Variants in RALGPS1 observed in about 807,000 individuals in gnomAD.
RALGPS1 encodes ras-specific guanine nucleotide-releasing factor RalGPS1.
Under a neutral mutation model 78.8 loss-of-function variants are expected in RALGPS1, and 19 were observed. The observed-to-expected ratio is 0.24, with a 90% CI of 0.17 to 0.35. RALGPS1 has a LOEUF of 0.35. RALGPS1 is among the 10% of genes least tolerant of loss of function. The pLI, the probability that RALGPS1 is intolerant of heterozygous loss-of-function variation, is 1.00. For synonymous variants in RALGPS1, 228 were observed against 256.3 expected (o/e 0.89, Z 1.06); for missense variants, 454 against 688.3 (o/e 0.66, Z 3.81).
chr9:127,199,825 C>T (rs975971110), intron 14 of RALGPS1, among the ~76,000 whole-genome samples: 3 of 152,122 alleles, frequency 2.0e-5, no homozygotes, highest in African/African-American at 4.8e-5. Context: ...TGAGAGGAGG[C>T]GGGAAACATC....
chr9:126,992,866 T>G (rs2042399371), intron 4 of RALGPS1, among the ~76,000 whole-genome samples: 1 of 152,264 alleles, frequency 6.6e-6, no homozygotes, highest in Non-Finnish European at 1.5e-5. Context: ...TTGTTTCTTT[T>G]TCTTGCCTTG....
chr9:126,968,725 A>G (rs558192016), intron 3 of RALGPS1, among the ~76,000 whole-genome samples: 1 of 152,368 alleles, frequency 6.6e-6, no homozygotes, highest in East Asian at 1.9e-4. Context: ...CAATAGAAAT[A>G]CAATGTAAGC....
At chr9:127,070,403 T>TGTA (rs2050094117) in intron 8 of RALGPS1, among the ~76,000 whole-genome samples, 1 of 152,226 alleles carries the variant, frequency 6.6e-6, no homozygotes, top group African/African-American at 2.4e-5. Flanking sequence ...CATGTAGTTA[T>TGTA]GATTATTACC....
Position 127,220,004 on chromosome 9 carries a change from T to C in RALGPS1, c.*1235T>C, listed in dbSNP as rs2131077332. ...CCAACCTCTGCATTCAGTTAGGAGC[T>C]CTTCACATGAATCACATCCTTATCT... On this transcript the variant is annotated 3_prime_UTR_variant, in exon 19 of 19. Coordinates refer to ENST00000259351, the MANE Select transcript of RALGPS1 (RefSeq NM_014636.3). The C allele has an allele frequency of 6.5e-6, 1 of 152,790 alleles. No individual in the cohort carries two copies. Among genetic ancestry groups the C allele is most frequent in the East Asian group, 1.9e-4 (1 of 5,182 alleles). The allele number at this position is 152,790 out of a possible 1,614,324, so 9.5% of individuals were successfully genotyped here.
At chr9:127,149,402 G>T (rs1295295960) in intron 8 of RALGPS1, among the ~76,000 whole-genome samples, 1 of 152,224 alleles carries the variant, frequency 6.6e-6, no homozygotes, top group East Asian at 1.9e-4. Context: ...GGCGCTAGAG[G>T]GCTGAGCCCA....
At chr9:127,094,599 A>G (rs569041482) in intron 8 of RALGPS1, among the ~76,000 whole-genome samples, 5 of 152,354 alleles carry the variant, frequency 3.3e-5, no homozygotes, top group South Asian at 4.1e-4. Context: ...TATTTCTGCA[A>G]TTCATTCACT....
intron 7 of RALGPS1, among the ~76,000 whole-genome samples, chr9:127,066,348 A>G (rs1439102311): frequency 7.2e-5 from 11 of 152,172 alleles, no homozygotes; most frequent in Non-Finnish European, 2.9e-5. Flanking sequence ...TTAACAACGG[A>G]GCAGTTCTTT....
intron 14 of RALGPS1, 132 bp downstream of exon 14, chr9:127,199,198 G>C: frequency 1.2e-6 from 1 of 857,666 alleles, no homozygotes; most frequent in South Asian, 1.4e-5. Flanking sequence ...TCCTTCAGCA[G>C]ACTGGCTGGG....
At chr9:126,993,623 G>A (rs982686812) in intron 4 of RALGPS1, among the ~76,000 whole-genome samples, 8 of 152,040 alleles carry the variant, frequency 5.3e-5, no homozygotes, top group South Asian at 2.1e-4. Context: ...AGCTCTCAGC[G>A]TGAGTGATGC....
At position 127,212,700 on chromosome 9, in the gene RALGPS1, G is replaced by A. The variant is rs749075271; in HGVS notation, c.1427G>A (p.Arg476Gln). 16 of 1,612,676 alleles carry A rather than the reference G, an allele frequency of 9.9e-6. No individual in the cohort carries two copies. The highest frequency in any genetic ancestry group is 5.5e-5 in the South Asian group (5 of 91,038). Residue 476 changes from arginine (R) to glutamine (Q), a missense_variant, in exon 16 of 19, where the codon CGG (arginine) becomes CAG (glutamine). Coordinates refer to ENST00000259351, the MANE Select transcript of RALGPS1 (RefSeq NM_014636.3). The surrounding 1 kb of genome is among the most constrained non-coding windows in gnomAD (Gnocchi z 6.0). ...TLLYYGAKSL[R>Q]GTDRKHYKST... ...CTGTACTACGGAGCCAAGTCCTTGC[G>A]GGGCACAGACAGAAAACACGTAAGT...
intron 14 of RALGPS1, among the ~76,000 whole-genome samples, chr9:127,199,609 G>GCCTCCCTCGAGGATCCCTCTGCCTCCCTC (rs1554873826): frequency 2.3e-5 from 1 of 42,856 alleles, no homozygotes; most frequent in African/African-American, 4.9e-5. Flanking sequence ...AGGATCCCTT[G>GCCTCCCTCGAGGATCCCTCTGCCTCCCTC]GCCCAGGGTT....
At chr9:126,974,273 C>T (rs2040396229) in intron 3 of RALGPS1, among the ~76,000 whole-genome samples, 1 of 152,174 alleles carries the variant, frequency 6.6e-6, no homozygotes, top group Non-Finnish European at 1.5e-5. Context: ...AGGCCCATCC[C>T]CTGACTCTTT....
At chr9:127,117,506 C>A (rs2055561452) in intron 8 of RALGPS1, among the ~76,000 whole-genome samples, 1 of 152,184 alleles carries the variant, frequency 6.6e-6, no homozygotes, top group Non-Finnish European at 1.5e-5. Flanking sequence ...TCAAGGGGTC[C>A]ACGGTAGTAG....
At chr9:127,035,579 C>T (rs765566777) in intron 5 of RALGPS1, among the ~76,000 whole-genome samples, 1 of 152,104 alleles carries the variant, frequency 6.6e-6, no homozygotes, top group African/African-American at 2.4e-5. Flanking sequence ...CCTTTGGGCC[C>T]TCTCTCCAGC....
chr9:127,088,889 C>G (rs768536442), intron 8 of RALGPS1: 1 of 1,608,066 alleles, frequency 6.2e-7, no homozygotes, highest in East Asian at 2.2e-5. Context: ...CCAGCGTGAC[C>G]AGGGTGGGCT....
chr9:127,021,285 TGAGGTCAA>T (rs1461498828), intron 4 of RALGPS1, among the ~76,000 whole-genome samples: 5 of 152,034 alleles, frequency 3.3e-5, no homozygotes, highest in Non-Finnish European at 2.9e-5. Flanking sequence ...GTGGATCACT[TGAGGTCAA>T]GAGTTTGAGA....
chr9:126,929,442 G>T (rs1186252165), intron 1 of RALGPS1, among the ~76,000 whole-genome samples: 1 of 152,074 alleles, frequency 6.6e-6, no homozygotes, highest in Non-Finnish European at 1.5e-5. Context: ...AGTGATGATA[G>T]AAATTTTCTT....
chr9:127,012,386 C>T (rs2133928605), intron 4 of RALGPS1, among the ~76,000 whole-genome samples: 1 of 152,322 alleles, frequency 6.6e-6, no homozygotes, highest in South Asian at 2.1e-4. Flanking sequence ...ACCATCTCCC[C>T]CTGAGCCTGA....
chr9:127,147,696 A>G (rs1450969176), intron 8 of RALGPS1, among the ~76,000 whole-genome samples: 1 of 152,324 alleles, frequency 6.6e-6, no homozygotes, highest in East Asian at 1.9e-4. Context: ...GTAGGTGTGC[A>G]GCTTTATTTC....
Sources: allele counts gnomAD v4.1 joint callset (sites outside exome capture counted in the v4.1 genomes callset), GRCh38; gene constraint gnomAD v4.1.1; non-coding constraint Gnocchi (gnomAD v3.1); transcripts MANE v1.5; gene names NCBI Gene and HGNC (gene_info 2026-07-23, HGNC 2026-07-21).